Variants in IFT52 observed in about 807,000 individuals in gnomAD.
IFT52 encodes intraflagellar transport 52, also known as intraflagellar transport protein 52 homolog.
In IFT52, 44 loss-of-function variants were observed where a neutral mutation model predicts 54.4. The observed-to-expected ratio is 0.81, with a 90% CI of 0.63 to 1.04. The LOEUF (loss-of-function observed/expected upper bound fraction) is 1.04. IFT52 is among the 50% of genes least tolerant of loss of function. The pLI is 0.00. For missense variants in IFT52, 452 were observed against 523.6 expected (o/e 0.86, Z 1.33); for synonymous variants, 181 against 185.3 (o/e 0.98, Z 0.19).
intron 3 of IFT52, among the ~76,000 whole-genome samples, chr20:43,602,139 TTTATTTTATTTA>T (rs1276999118): frequency 2.4e-4 from 2 of 8,346 alleles, no homozygotes; most frequent in Admixed American, 1.3e-3. Context: ...TGAGCTGATT[TTTATTTTATTTA>T]TTTATTTATT....
chr20:43,644,064 A>G lies in IFT52; in HGVS notation c.1266+1440A>G, dbSNP rs1475845921. Among the ~76,000 whole-genome samples, 2 of 56,502 alleles carry G rather than the reference A, an allele frequency of 3.5e-5. 1 individual carries two copies. Among genetic ancestry groups the G allele is most frequent in the Non-Finnish European group, 8.4e-5 (2 of 23,730 alleles). The allele number at this position is 56,502 out of a possible 152,430, so 37.1% of individuals were successfully genotyped here. ...GGTTACAGTAAGCCAAGACCACACC[A>G]CTGCAGTCCATCCAGCCTGGCGACA... On this transcript the variant is annotated intron_variant, in intron 13 of 13. Transcript: ENST00000373030.
intron 10 of IFT52, among the ~76,000 whole-genome samples, chr20:43,633,866 T>C (rs1049773025): frequency 6.6e-6 from 1 of 151,814 alleles, no homozygotes; most frequent in African/African-American, 2.4e-5. Context: ...TACCAGAAAC[T>C]GATTTAAAAA....
At chr20:43,604,868 C>A in intron 5 of IFT52, 134 bp from the exon 6 acceptor site, 1 of 776,924 alleles carries the variant, frequency 1.3e-6, no homozygotes, top group South Asian at 1.6e-5. Flanking sequence ...GGTGGGAACA[C>A]AGTTCACTGC....
intron 3 of IFT52, among the ~76,000 whole-genome samples, chr20:43,597,930 A>G (rs957062241): frequency 5.3e-5 from 8 of 151,764 alleles, no homozygotes; most frequent in African/African-American, 1.5e-4. Flanking sequence ...TGATCTAGCA[A>G]TTCCACTTCT....
intron 3 of IFT52, among the ~76,000 whole-genome samples, chr20:43,597,102 T>A (rs1360307012): frequency 6.7e-6 from 1 of 148,936 alleles, no homozygotes; most frequent in African/African-American, 2.5e-5. Context: ...CCAGGCGCGG[T>A]GGCTCACACC....
At chr20:43,600,415 C>T (rs1330783494) in intron 3 of IFT52, among the ~76,000 whole-genome samples, 1 of 151,904 alleles carries the variant, frequency 6.6e-6, no homozygotes, top group Non-Finnish European at 1.5e-5. Context: ...CGCCATTCTC[C>T]TGCCTCAGCC....
chr20:43,594,802 A>G lies in IFT52; in HGVS notation c.104A>G (p.Asn35Ser), dbSNP rs567232435. The G allele has an allele frequency of 1.2e-4, 192 of 1,567,538 alleles. No homozygotes were observed. In the South Asian group the frequency reaches 2.0e-3, roughly 17 times the overall value. ...TCCATGCAGAAAAAACTTCGGAGTA[A>G]TTGGAAGATTCAGAGGTGACTGACC... ...YKSMQKKLRSNWKIQSLKDEI... is the reference protein window; with the variant it reads ...YKSMQKKLRSSWKIQSLKDEI... The change falls in exon 2 of 14, where the codon AAT (asparagine) becomes AGT (serine). Residue 35 changes from asparagine (N) to serine (S), a missense_variant. Coordinates refer to ENST00000373030, the MANE Select transcript of IFT52 (RefSeq NM_016004.5).
intron 2 of IFT52, among the ~76,000 whole-genome samples, chr20:43,595,418 G>T (rs1013604536): frequency 6.6e-6 from 1 of 151,380 alleles, no homozygotes; most frequent in Non-Finnish European, 1.5e-5. Flanking sequence ...GCATGATCGT[G>T]CGTGCCTATG....
chr20:43,631,703 G>A (rs530824225), intron 10 of IFT52, among the ~76,000 whole-genome samples: 3 of 152,314 alleles, frequency 2.0e-5, no homozygotes, highest in African/African-American at 7.2e-5. Context: ...GCTCAGCTCT[G>A]TAGGCTCGCT....
At chr20:43,615,079 G>C (rs1210731325) in intron 7 of IFT52, among the ~76,000 whole-genome samples, 1 of 151,892 alleles carries the variant, frequency 6.6e-6, no homozygotes, top group Non-Finnish European at 1.5e-5. Flanking sequence ...AAAGTGCTGG[G>C]ATTACAGGCA....
intron 12 of IFT52, among the ~76,000 whole-genome samples, chr20:43,638,374 A>G (rs1985689951): frequency 6.6e-6 from 1 of 151,972 alleles, no homozygotes; most frequent in African/African-American, 2.4e-5. Context: ...TGTTTTTAGT[A>G]GAGATGGGGT....
At chr20:43,643,042 C>CT (rs1986029556) in intron 13 of IFT52, among the ~76,000 whole-genome samples, 1 of 152,018 alleles carries the variant, frequency 6.6e-6, no homozygotes, top group African/African-American at 2.4e-5. Context: ...TGGTGCGTGC[C>CT]TGTAATCCCA....
At chr20:43,614,019 G>A (rs1417264782) in intron 7 of IFT52, 43 bp downstream of exon 7, 2 of 1,531,304 alleles carry the variant, frequency 1.3e-6, no homozygotes, top group Non-Finnish European at 8.9e-7. Context: ...TATTTTTATT[G>A]TTGAAATAAT....
rs1377858691 is a variant in IFT52 at position 43,643,392 on chromosome 20, A to G, written c.1266+768A>G. The stretch of plus-strand genomic sequence containing the variant: ...TCCCAGCTACTAGGGAGGCCGAGGC[A>G]GGGGAATCTCTTGAACCCAGGAGGC... On this transcript the variant is annotated intron_variant, in intron 13 of 13. Coordinates refer to ENST00000373030, the MANE Select transcript of IFT52 (RefSeq NM_016004.5). Among the ~76,000 whole-genome samples, 2 of 55,650 alleles carry G rather than the reference A, an allele frequency of 3.6e-5. 1 individual carries two copies. Among genetic ancestry groups the G allele is most frequent in the African/African-American group, 1.1e-4 (2 of 19,022 alleles). 36.5% of individuals were successfully genotyped at this position (55,650 alleles called of 152,430 possible).
intron 3 of IFT52, among the ~76,000 whole-genome samples, chr20:43,597,754 C>T (rs1039012584): frequency 2.6e-5 from 4 of 151,810 alleles, no homozygotes; most frequent in Admixed American, 6.6e-5. Context: ...ATTAGCCGGG[C>T]GTGATGGTGT....
chr20:43,598,188 C>T (rs546356529), intron 3 of IFT52, among the ~76,000 whole-genome samples: 2 of 152,154 alleles, frequency 1.3e-5, no homozygotes, highest in South Asian at 2.1e-4. Context: ...AAGGCAGACA[C>T]AAAAAGACAA....
In IFT52 at chr20:43,642,569, A is replaced by G. The variant is rs778839466; in HGVS notation, c.1211A>G (p.Lys404Arg). ...CTACCAAAGGACCAACAGGATGCCA[A>G]ACATATCCTTGAGCACGTCTTCTTC... ...SKLPKDQQDA[K>R]HILEHVFFQV... Residue 404 changes from lysine to arginine, a missense_variant, in exon 13 of 14, where the codon AAA (lysine) becomes AGA (arginine). Coordinates refer to ENST00000373030, the MANE Select transcript of IFT52 (RefSeq NM_016004.5). 4 of 1,614,212 alleles carry G rather than the reference A, an allele frequency of 2.5e-6. No individual in the cohort carries two copies. The highest frequency in any genetic ancestry group is 1.7e-5 in the Admixed American group (1 of 60,014).
intron 10 of IFT52, among the ~76,000 whole-genome samples, chr20:43,626,452 G>T (rs1984730214): frequency 6.6e-6 from 1 of 151,842 alleles, no homozygotes; most frequent in African/African-American, 2.4e-5. Context: ...CACCATGTTG[G>T]CCAGGCTGGT....
chr20:43,594,929 A>G (rs1310615217), intron 2 of IFT52, 112 bp downstream of exon 2: 4 of 700,610 alleles, frequency 5.7e-6, no homozygotes, highest in Non-Finnish European at 1.0e-5. Flanking sequence ...GAGAAGCTCA[A>G]TTTAAAGATT....
Sources: gnomAD v4.1 joint callset for allele counts (sites outside exome capture counted in the v4.1 genomes callset) on GRCh38, gnomAD v4.1.1 for gene constraint, MANE v1.5 for transcripts, NCBI Gene and HGNC (gene_info 2026-07-23, HGNC 2026-07-21) for gene names.